Variants in RAB6B observed in about 807,000 individuals in gnomAD.
The protein encoded by RAB6B is RAB6B, member RAS oncogene family.
Under a neutral mutation model 31.2 loss-of-function variants are expected in RAB6B, and 7 were observed. The observed-to-expected ratio is 0.22, with a 90% CI of 0.13 to 0.42. RAB6B has a LOEUF of 0.42. RAB6B is among the 10% of genes least tolerant of loss of function. The probability of loss-of-function intolerance (pLI) is 1.00; values close to 1 mark genes in which losing one functional copy is unlikely to be tolerated. For synonymous variants in RAB6B, 105 were observed against 104.9 expected (o/e 1.00, Z -0.01); for missense variants, 149 against 280.6 (o/e 0.53, Z 3.35).
chr3:133,878,907 C>T (rs1281924367), intron 1 of RAB6B, among the ~76,000 whole-genome samples: 2 of 152,174 alleles, frequency 1.3e-5, no homozygotes, highest in East Asian at 3.8e-4. Context: ...AGCAGATCAA[C>T]AATACAAGAA....
intron 1 of RAB6B, among the ~76,000 whole-genome samples, chr3:133,869,828 G>A (rs1198964155): frequency 1.3e-5 from 2 of 152,326 alleles, no homozygotes; most frequent in South Asian, 2.1e-4. Context: ...AGACCTGTGA[G>A]TGAGCGAGCC....
chr3:133,857,397 G>A (rs1936096787), intron 2 of RAB6B, among the ~76,000 whole-genome samples: 1 of 149,928 alleles, frequency 6.7e-6, no homozygotes, highest in African/African-American at 2.5e-5. Flanking sequence ...CTTGAACCTG[G>A]GGCTTAAACC....
rs182419151 is a variant in RAB6B at position 133,836,163 on chromosome 3, G to C, written c.496-1522C>G. 9.5e-4 allele frequency among the ~76,000 whole-genome samples: 144 copies of C among 152,366 alleles called. 4 individuals carry two copies. In the East Asian group the frequency reaches 0.025, roughly 26 times the overall value. On this transcript the variant is annotated intron_variant, in intron 6 of 7. Transcript: ENST00000285208. ...GGCTAAAGGCCATGAGGGCCCAAGG[G>C]GGGAAGCTGCTGGTGGGCCCAGCAT...
chr3:133,834,277 G>A (rs143114960), intron 7 of RAB6B, among the ~76,000 whole-genome samples: 39 of 152,216 alleles, frequency 2.6e-4, no homozygotes, highest in East Asian at 2.1e-3. Flanking sequence ...AAACATGCTC[G>A]CTGTAAAGAA....
At chr3:133,868,219 G>A (rs185508907) in intron 1 of RAB6B, among the ~76,000 whole-genome samples, 4 of 152,280 alleles carry the variant, frequency 2.6e-5, no homozygotes, top group Non-Finnish European at 5.9e-5. Flanking sequence ...ACAACTGCCC[G>A]GGGTGGAAGG....
At chr3:133,873,308 G>A (rs1936351117) in intron 1 of RAB6B, among the ~76,000 whole-genome samples, 1 of 152,206 alleles carries the variant, frequency 6.6e-6, no homozygotes, top group African/African-American at 2.4e-5. Context: ...TGGTTGCTGG[G>A]GACATGACGG....
chr3:133,882,453 T>C (rs1368514583), intron 1 of RAB6B, among the ~76,000 whole-genome samples: 1 of 152,218 alleles, frequency 6.6e-6, no homozygotes, highest in African/African-American at 2.4e-5. Flanking sequence ...CCACACCATC[T>C]CACAGTCAGG....
chr3:133,865,403 G>A (rs989598098), intron 1 of RAB6B, among the ~76,000 whole-genome samples: 4 of 152,260 alleles, frequency 2.6e-5, no homozygotes, highest in African/African-American at 9.6e-5. Context: ...TTCCCAAATT[G>A]TAGAATTTGG....
chr3:133,873,668 T>A (rs1216644058), intron 1 of RAB6B, among the ~76,000 whole-genome samples: 2 of 152,132 alleles, frequency 1.3e-5, no homozygotes, highest in African/African-American at 2.4e-5. Context: ...AACAAAAAAA[T>A]TTATATATTC....
Position 133,828,607 on chromosome 3 carries a change from A to G in RAB6B, c.*181T>C, listed in dbSNP as rs1935609014. The G allele has an allele frequency of 1.4e-6, 1 of 702,124 alleles. No individual in the cohort carries two copies. The highest frequency in any genetic ancestry group is 1.7e-5 in the South Asian group (1 of 60,240). The allele number at this position is 702,124 out of a possible 1,614,324, so 43.5% of individuals were successfully genotyped here. A position where few individuals can be genotyped will look rare whatever the true frequency, so the allele number is the denominator to read the frequency against. ...ATAGTTGTTTAAGTAACAGCCGTTAAGAGTGATGTGATCCCTGATGCCCAG... is the reference window on the plus strand; with the variant it reads ...ATAGTTGTTTAAGTAACAGCCGTTAGGAGTGATGTGATCCCTGATGCCCAG... On this transcript the variant is annotated 3_prime_UTR_variant, in exon 8 of 8. Transcript: ENST00000285208.
At chr3:133,857,539 C>T (rs1365382738) in intron 2 of RAB6B, among the ~76,000 whole-genome samples, 2 of 152,092 alleles carry the variant, frequency 1.3e-5, no homozygotes, top group Non-Finnish European at 2.9e-5. Context: ...TGTCCCATCT[C>T]CCCCAGGTGC....
At chr3:133,873,115 G>T (rs963335869) in intron 1 of RAB6B, among the ~76,000 whole-genome samples, 54 of 152,322 alleles carry the variant, frequency 3.5e-4, no homozygotes, top group African/African-American at 1.2e-3. Flanking sequence ...GCCCACTACA[G>T]CAAGAAGGAA....
intron 1 of RAB6B, among the ~76,000 whole-genome samples, chr3:133,871,909 C>T (rs1559910381): frequency 6.6e-6 from 1 of 152,238 alleles, no homozygotes; most frequent in Non-Finnish European, 1.5e-5. Context: ...ACAGTGGGAT[C>T]CTGATCCTCC....
chr3:133,836,729 G>T (rs962432366), intron 6 of RAB6B, among the ~76,000 whole-genome samples: 1 of 152,064 alleles, frequency 6.6e-6, no homozygotes, highest in Non-Finnish European at 1.5e-5. Context: ...TGCCCCCAGG[G>T]AGCAGGAAGG....
chr3:133,876,124 C>A (rs1394921530), intron 1 of RAB6B, among the ~76,000 whole-genome samples: 3 of 152,198 alleles, frequency 2.0e-5, no homozygotes, highest in African/African-American at 7.2e-5. Flanking sequence ...AGTGTAGGAG[C>A]CTCCTCTGCA....
chr3:133,865,580 T>C (rs906789719), intron 1 of RAB6B, among the ~76,000 whole-genome samples: 2 of 152,272 alleles, frequency 1.3e-5, no homozygotes. Flanking sequence ...GTCTCTGCCA[T>C]GACCCTGGGA....
intron 6 of RAB6B, among the ~76,000 whole-genome samples, chr3:133,837,114 C>T (rs1935748211): frequency 6.6e-6 from 1 of 152,090 alleles, no homozygotes; most frequent in Non-Finnish European, 1.5e-5. Context: ...ACCTTTGCTG[C>T]TCCCCTGCTT....
chr3:133,855,050 G>A (rs1936054758), intron 2 of RAB6B, among the ~76,000 whole-genome samples: 1 of 152,224 alleles, frequency 6.6e-6, no homozygotes, highest in Non-Finnish European at 1.5e-5. Flanking sequence ...GGCTGGGGAA[G>A]CATCCATAAG....
At chr3:133,831,926 A>G (rs538929134) in intron 7 of RAB6B, among the ~76,000 whole-genome samples, 3 of 152,312 alleles carry the variant, frequency 2.0e-5, no homozygotes, top group African/African-American at 7.2e-5. Flanking sequence ...ACTGCAGCAC[A>G]ATCCTGTCTG....
Sources: gnomAD v4.1 joint callset for allele counts (sites outside exome capture counted in the v4.1 genomes callset) on GRCh38, gnomAD v4.1.1 for gene constraint, MANE v1.5 for transcripts, NCBI Gene and HGNC (gene_info 2026-07-23, HGNC 2026-07-21) for gene names.